Variants in GRM5 observed in about 807,000 individuals in gnomAD.
GRM5 encodes metabotropic glutamate receptor 5.
GRM5 carries 19 observed loss-of-function variants against 83.1 expected under a neutral mutation model. The observed-to-expected ratio is 0.23, with a 90% CI of 0.16 to 0.34. The LOEUF is 0.34. Ranked by LOEUF, GRM5 falls within the 10% of genes least tolerant of loss-of-function variation. The pLI is 1.00. For synonymous variants in GRM5, 675 were observed against 633.6 expected (o/e 1.07, Z -0.98); for missense variants, 1,160 against 1,588.3 (o/e 0.73, Z 4.58).
intron 2 of GRM5, among the ~76,000 whole-genome samples, chr11:89,022,010 A>C (rs1394925781): frequency 1.3e-5 from 2 of 152,182 alleles, no homozygotes; most frequent in African/African-American, 2.4e-5. Context: ...AACGTTCTTA[A>C]CAAAACAAAA....
intron 2 of GRM5, among the ~76,000 whole-genome samples, chr11:88,928,462 GTGTA>G (rs1272832658): frequency 2.0e-4 from 2 of 10,062 alleles, no homozygotes; most frequent in Admixed American, 1.9e-3. Context: ...GTGTGTGTGT[GTGTA>G]TATATATATA....
chr11:88,588,816 G>A (rs1478427297), intron 7 of GRM5, among the ~76,000 whole-genome samples: 4 of 152,130 alleles, frequency 2.6e-5, no homozygotes, highest in Admixed American at 6.6e-5. Context: ...CCATGTGCAT[G>A]TGTTGTTTTA....
At chr11:88,781,895 A>T (rs549420343) in intron 3 of GRM5, among the ~76,000 whole-genome samples, 1 of 152,332 alleles carries the variant, frequency 6.6e-6, no homozygotes, top group South Asian at 2.1e-4. Context: ...TTGCTGCATG[A>T]CAGTGGGTGA....
intron 2 of GRM5, among the ~76,000 whole-genome samples, chr11:88,984,248 TA>T (rs1261805109): frequency 6.6e-6 from 1 of 152,206 alleles, no homozygotes; most frequent in Non-Finnish European, 1.5e-5. Flanking sequence ...TCATTCATGG[TA>T]AATGACCTAT....
At chr11:88,798,805 C>CAAAAAAAAAAAAAAAAAAAAAAA (rs4002396) in intron 3 of GRM5, among the ~76,000 whole-genome samples, 11 of 55,370 alleles carry the variant, frequency 2.0e-4, no homozygotes, top group African/African-American at 3.3e-4. Flanking sequence ...ATGAAAACAC[C>CAAAAAAAAAAAAAAAAAAAAAAA]AAAAAAAAAA....
intron 8 of GRM5, among the ~76,000 whole-genome samples, chr11:88,528,224 C>A (rs1941926394): frequency 6.6e-6 from 1 of 151,856 alleles, no homozygotes; most frequent in African/African-American, 2.4e-5. Flanking sequence ...AAAATGTGAG[C>A]AATATCTTAG....
At chr11:88,981,656 T>C (rs1473487673) in intron 2 of GRM5, among the ~76,000 whole-genome samples, 2 of 152,200 alleles carry the variant, frequency 1.3e-5, no homozygotes, top group African/African-American at 4.8e-5. Context: ...ACTGGGTTCT[T>C]AGTTTCAGAT....
intron 2 of GRM5, among the ~76,000 whole-genome samples, chr11:88,978,007 C>A (rs1210659406): frequency 2.6e-5 from 4 of 152,188 alleles, no homozygotes; most frequent in Admixed American, 6.5e-5. Flanking sequence ...TTAAGTATAT[C>A]ATCTACTTTA....
At position 89,047,580 on chromosome 11, in the gene GRM5, G is replaced by T. The variant is rs781196829; in HGVS notation, c.293C>A (p.Ser98Tyr). 1 of 1,614,138 alleles carries T rather than the reference G, an allele frequency of 6.2e-7. No individual in the cohort carries two copies. The highest frequency in any genetic ancestry group is 1.3e-5 in the African/African-American group (1 of 75,036). ...NITLGCEIRD[S>Y]CWHSAVALEQ... ...TAGGGCCACAGCCGAATGCCAGCAG[G>T]AGTCCCTTATCTCACAGCCCAGTGT... The change falls in exon 2 of 10, where the codon TCC (serine) becomes TAC (tyrosine). Residue 98 changes from serine (S) to tyrosine (Y), a missense_variant. Physicochemically the swap from Ser to Tyr is moderately radical, Grantham distance 144 (BLOSUM62 -2). Coordinates refer to ENST00000305447, the MANE Select transcript of GRM5 (RefSeq NM_001143831.3). The surrounding 1 kb of genome is among the most constrained non-coding windows in gnomAD (Gnocchi z 5.1).
rs770092591 is a variant in GRM5 at position 88,509,458 on chromosome 11, G to A, written c.2773C>T (p.Arg925Trp). ...VTWAQNEKSS[R>W]GQHLWQRLSI... ...AGGCGCTGCCACAGGTGCTGCCCCCGGCTGCTCTTCTCATTCTGGGCCCAC... is the reference window on the plus strand; with the variant it reads ...AGGCGCTGCCACAGGTGCTGCCCCCAGCTGCTCTTCTCATTCTGGGCCCAC... The change falls in exon 10 of 10, where the codon CGG becomes TGG. Residue 925 changes from arginine (R) to tryptophan (W), a missense_variant. Physicochemically the swap from Arg to Trp is moderately radical, Grantham distance 101. This residue lies in a region of GRM5 where 562 missense variants were observed against 532.4 expected (regional missense o/e 1.06). Coordinates refer to ENST00000305447, the MANE Select transcript of GRM5 (RefSeq NM_001143831.3). The A allele has an allele frequency of 3.1e-6, 5 of 1,612,450 alleles. No individual in the cohort carries two copies. The highest frequency in any genetic ancestry group is 3.3e-5 in the Admixed American group (2 of 59,930).
At chr11:88,603,832 C>T (rs1219264604) in intron 5 of GRM5, among the ~76,000 whole-genome samples, 16 of 152,148 alleles carry the variant, frequency 1.1e-4, no homozygotes, top group Non-Finnish European at 1.9e-4. Context: ...TTCATGAAAC[C>T]TTTTGGCAGG....
At position 88,509,330 on chromosome 11, in the gene GRM5, T is replaced by TGCGACA. The variant is rs1565316544; in HGVS notation, c.2900_2901insTGTCGC (p.Ala967_Gly968insValAla). On this transcript the variant is annotated inframe_insertion, in exon 10 of 10. Transcript: ENST00000305447. ...CCCCCACGCCCCCAGCGCTCCCGCC[T>TGCGACA]GCGCCAGCGCCAGCGCCCAGGCCAC... The TGCGACA allele has an allele frequency of 6.3e-7, 1 of 1,598,934 alleles. No individual in the cohort carries two copies. Among genetic ancestry groups the TGCGACA allele is most frequent in the Admixed American group, 1.7e-5 (1 of 58,858 alleles).
At chr11:88,826,145 T>A in intron 3 of GRM5, among the ~76,000 whole-genome samples, 1 of 152,174 alleles carries the variant, frequency 6.6e-6, no homozygotes, top group East Asian at 1.9e-4. Flanking sequence ...CATTATGATG[T>A]CAAAATAATG....
At chr11:88,842,544 G>C (rs1461287371) in intron 3 of GRM5, among the ~76,000 whole-genome samples, 3 of 152,146 alleles carry the variant, frequency 2.0e-5, no homozygotes, top group Non-Finnish European at 4.4e-5. Context: ...GGCCATTTCA[G>C]TGTTATTTTC....
At chr11:88,566,704 C>G (rs1293226394) in intron 8 of GRM5, among the ~76,000 whole-genome samples, 6 of 152,148 alleles carry the variant, frequency 3.9e-5, no homozygotes, top group African/African-American at 1.4e-4. Flanking sequence ...TTCTGGTGAA[C>G]TAGAATTTAA....
chr11:88,679,936 A>G (rs1391068372), intron 3 of GRM5, among the ~76,000 whole-genome samples: 5 of 1,994 alleles, frequency 2.5e-3, no homozygotes, highest in Non-Finnish European at 0.029. Flanking sequence ...TTTAATAAAA[A>G]CAAATAGACA....
chr11:88,739,603 G>A (rs562675910), intron 3 of GRM5, among the ~76,000 whole-genome samples: 51 of 152,104 alleles, frequency 3.4e-4, no homozygotes, highest in Admixed American at 2.0e-4. Context: ...TTATGGGGGC[G>A]GGTTGTCCCA....
intron 4 of GRM5, among the ~76,000 whole-genome samples, chr11:88,628,594 A>T (rs1938872527): frequency 6.6e-6 from 1 of 152,198 alleles, no homozygotes; most frequent in African/African-American, 2.4e-5. Context: ...GGGAATCACT[A>T]TGGTAACAGA....
chr11:88,997,295 C>G (rs969037520), intron 2 of GRM5, among the ~76,000 whole-genome samples: 9 of 148,504 alleles, frequency 6.1e-5, no homozygotes, highest in African/African-American at 2.0e-4. Flanking sequence ...CCACTGTACT[C>G]CAGCCTGGGC....
Sources: gnomAD v4.1 joint callset for allele counts (sites outside exome capture counted in the v4.1 genomes callset) on GRCh38, gnomAD v4.1.1 for gene constraint, gnomAD v4.1.1 regional missense constraint, Gnocchi (gnomAD v3.1) non-coding constraint, MANE v1.5 for transcripts, NCBI Gene and HGNC (gene_info 2026-07-23, HGNC 2026-07-21) for gene names.